Variants in KMT2C observed in about 807,000 individuals in gnomAD.
KMT2C encodes the protein lysine methyltransferase 2C, also known as histone-lysine N-methyltransferase 2C.
In KMT2C, 88 loss-of-function variants were observed where a neutral mutation model predicts 507.9. That is an observed-to-expected ratio of 0.17 (90% CI 0.15 to 0.21). The LOEUF (loss-of-function observed/expected upper bound fraction) is 0.21. Ranked by LOEUF, KMT2C falls within the 10% of genes least tolerant of loss-of-function variation. The pLI, the probability that KMT2C is intolerant of heterozygous loss-of-function variation, is 1.00. For missense variants in KMT2C, 4,954 were observed against 5,957.8 expected, an observed-to-expected ratio of 0.83 and a Z score of 5.55; for synonymous variants, 2,049 against 2,080.8, an observed-to-expected ratio of 0.98 and a Z score of 0.42.
chr7:152,395,553 G>T lies in KMT2C; in HGVS notation c.162-36878C>A, dbSNP rs543726154. ...GAGACAGTCTCCCTCTGTCACTCAG[G>T]CTGGAGTGCAGTGGCGCCATCTTGG... On this transcript the variant is annotated intron_variant, in intron 1 of 58. Coordinates refer to ENST00000262189, the MANE Select transcript of KMT2C (RefSeq NM_170606.3). Among the ~76,000 whole-genome samples, 4 of 152,146 alleles carry T rather than the reference G, an allele frequency of 2.6e-5. No homozygotes were observed. In the East Asian group the frequency reaches 5.8e-4, roughly 22 times the overall value.
At chr7:152,383,898 G>A (rs1453463046) in intron 1 of KMT2C, among the ~76,000 whole-genome samples, 2 of 152,012 alleles carry the variant, frequency 1.3e-5, no homozygotes, top group African/African-American at 2.4e-5. Flanking sequence ...GTGAAGAGTT[G>A]TGCTGCTAGG....
chr7:152,254,486 A>C (rs2095613076), intron 9 of KMT2C, among the ~76,000 whole-genome samples: 1 of 152,186 alleles, frequency 6.6e-6, no homozygotes, highest in Non-Finnish European at 1.5e-5. Flanking sequence ...AAATTATTTC[A>C]ATGCAACAGA....
At chr7:152,348,318 C>A (rs1395718981) in intron 2 of KMT2C, among the ~76,000 whole-genome samples, 2 of 151,840 alleles carry the variant, frequency 1.3e-5, no homozygotes, top group African/African-American at 2.4e-5. Context: ...TAGGGAAGGC[C>A]AGGCATGGTG....
At position 152,144,449 on chromosome 7, in the gene KMT2C, A is replaced by ACCTG. The variant is rs1483602980; in HGVS notation, c.14343+260_14343+263dup. On this transcript the variant is annotated intron_variant, in intron 55 of 58. Transcript: ENST00000262189. This position sits in a 1 kb window ranked among gnomAD's most constrained non-coding sequence, Gnocchi z 4.4. ...TCCAGTGTGTGCAAATTACAATGCT[A>ACCTG]CCTGCCTCCCAGGAGCTCTCAACAA... Among the ~76,000 whole-genome samples the ACCTG allele has an allele frequency of 6.6e-6, 1 of 152,236 alleles. No homozygotes were observed. The highest frequency in any genetic ancestry group is 1.5e-5 in the Non-Finnish European group (1 of 68,044).
chr7:152,347,344 G>C (rs1201444267), intron 2 of KMT2C, among the ~76,000 whole-genome samples: 3 of 152,144 alleles, frequency 2.0e-5, no homozygotes, highest in Non-Finnish European at 4.4e-5. Context: ...AGCATCATTA[G>C]TGGCACTTCA....
At chr7:152,267,269 C>G (rs2095872796) in intron 7 of KMT2C, among the ~76,000 whole-genome samples, 2 of 152,216 alleles carry the variant, frequency 1.3e-5, no homozygotes, top group Admixed American at 1.3e-4. Context: ...AAACCCCAAA[C>G]CTTTATTCTT....
rs1166332804 is a variant in KMT2C, at chr7:152,315,252, A to C, written c.476T>G (p.Phe159Cys). Residue 159 changes from phenylalanine to cysteine, a missense_variant, in exon 4 of 59, where the codon TTT (phenylalanine) becomes TGT (cysteine). By Grantham distance (205) the Phe-to-Cys change is radical (BLOSUM62 -2). Around this residue, in one of 29 missense-constraint regions of KMT2C, gnomAD observed 233 missense variants for 263.6 expected, o/e 0.88. Transcript: ENST00000262189. ...AGGTTGGTTTCTCCATGGCAAGATA[A>C]ATCCAGGCGTTATTCTGAATTGTTT... ...DLKQFRITPG[F>C]ILPWRNQPSN... 1.2e-6 allele frequency: 2 copies of C among 1,613,984 alleles called. No homozygotes were observed. Among genetic ancestry groups the C allele is most frequent in the Non-Finnish European group, 1.7e-6 (2 of 1,179,926 alleles).
At chr7:152,374,974 G>T (rs2129243800) in intron 1 of KMT2C, among the ~76,000 whole-genome samples, 1 of 151,838 alleles carries the variant, frequency 6.6e-6, no homozygotes, top group South Asian at 2.1e-4. Context: ...AAAAAATAAT[G>T]TCAAACATTA....
intron 3 of KMT2C, among the ~76,000 whole-genome samples, chr7:152,320,363 C>T (rs867895448): frequency 1.3e-5 from 2 of 152,168 alleles, no homozygotes; most frequent in Non-Finnish European, 2.9e-5. Flanking sequence ...ATTCTCCTGC[C>T]TCAGCCTCCC....
At chr7:152,258,850 G>A (rs905224654) in intron 9 of KMT2C, among the ~76,000 whole-genome samples, 2 of 152,118 alleles carry the variant, frequency 1.3e-5, no homozygotes, top group African/African-American at 4.8e-5. Flanking sequence ...TTCAAATCTA[G>A]AAGGAAATTC....
chr7:152,149,758 A>G (rs886527995), intron 51 of KMT2C, among the ~76,000 whole-genome samples: 14 of 152,326 alleles, frequency 9.2e-5, no homozygotes, highest in Non-Finnish European at 8.8e-5. Context: ...GAAATCTCCA[A>G]TAGCTTATTT....
chr7:152,315,627 G>C (rs1260942114), intron 3 of KMT2C, among the ~76,000 whole-genome samples: 1 of 152,060 alleles, frequency 6.6e-6, no homozygotes, highest in African/African-American at 2.4e-5. Flanking sequence ...TATTTGACTA[G>C]AAAAAAATCC....
Position 152,174,232 on chromosome 7 carries a change from T to C in KMT2C, c.9273A>G (p.Ala3091=). The C allele has an allele frequency of 6.5e-7, 1 of 1,540,446 alleles. No homozygotes were observed. Among genetic ancestry groups the C allele is most frequent in the Non-Finnish European group, 8.9e-7 (1 of 1,119,624 alleles). ...EPFFPNIDFD[A]ITDPIMKAKM... ...TGGCTTTCATTATAGGATCTGTAAT[T>C]GCATCAAAATCTAGAAAAGAAATAT... The change falls in exon 39 of 59, where the codon GCA becomes GCG. Residue 3091 remains alanine, a synonymous_variant. Transcript: ENST00000262189.
chr7:152,252,933 A>C (rs914352690), intron 9 of KMT2C, among the ~76,000 whole-genome samples: 1 of 151,924 alleles, frequency 6.6e-6, no homozygotes, highest in Non-Finnish European at 1.5e-5. Flanking sequence ...GCTCACTGCA[A>C]CCTCTGCCTC....
chr7:152,401,264 G>C (rs1424139458), intron 1 of KMT2C, among the ~76,000 whole-genome samples: 1 of 151,936 alleles, frequency 6.6e-6, no homozygotes, highest in Non-Finnish European at 1.5e-5. Flanking sequence ...ATTTTTAGTA[G>C]AGACGGGGTT....
rs2097913282 is a variant in KMT2C, at chr7:152,435,945, G to T, written c.-159C>A. The T allele has an allele frequency of 1.5e-6, 1 of 677,618 alleles. No homozygotes were observed. The highest frequency in any genetic ancestry group is 2.2e-6 in the Non-Finnish European group (1 of 445,074). 42.0% of individuals were successfully genotyped at this position (677,618 alleles called of 1,614,324 possible). The stretch of plus-strand genomic sequence containing the variant: ...GGAGCAGCAGCAGGTACCGGGAGAG[G>T]CGGCAACATGGAGCGAGCAGGACAC... On this transcript the variant is annotated 5_prime_UTR_variant, in exon 1 of 59. Coordinates refer to ENST00000262189, the MANE Select transcript of KMT2C (RefSeq NM_170606.3).
chr7:152,159,441 T>C (rs2092310940), intron 43 of KMT2C, among the ~76,000 whole-genome samples: 1 of 152,192 alleles, frequency 6.6e-6, no homozygotes, highest in Non-Finnish European at 1.5e-5. Flanking sequence ...TAGGAGCCTC[T>C]GCATAGTGGT....
intron 1 of KMT2C, among the ~76,000 whole-genome samples, chr7:152,380,556 G>A (rs1257021541): frequency 3.4e-5 from 5 of 146,736 alleles, no homozygotes; most frequent in Non-Finnish European, 6.0e-5. Flanking sequence ...CAACAAGAGC[G>A]AAACTCTGTC....
At chr7:152,222,307 C>T (rs1221689585) in intron 21 of KMT2C, among the ~76,000 whole-genome samples, 3 of 152,162 alleles carry the variant, frequency 2.0e-5, no homozygotes, top group African/African-American at 7.2e-5. Flanking sequence ...GACATATTGT[C>T]AATAACTACA....
Sources: gnomAD v4.1 joint callset for allele counts (sites outside exome capture counted in the v4.1 genomes callset) on GRCh38, gnomAD v4.1.1 for gene constraint, gnomAD v4.1.1 regional missense constraint, Gnocchi (gnomAD v3.1) non-coding constraint, MANE v1.5 for transcripts, NCBI Gene and HGNC (gene_info 2026-07-23, HGNC 2026-07-21) for gene names.